The following CTCF variants were observed in gnomAD, a reference collection of about 807,000 sequenced individuals.
CTCF encodes CCCTC-binding factor.
In CTCF, 7 loss-of-function variants were observed where a neutral mutation model predicts 72.3. The ratio of observed to expected loss-of-function variants is 0.10; its 90% CI spans 0.06 to 0.18. The LOEUF is 0.18. CTCF is among the 10% of genes least tolerant of loss of function. The pLI is 1.00. For missense variants in CTCF, 516 were observed against 949.1 expected, an observed-to-expected ratio of 0.54 and a Z score of 6.00; for synonymous variants, 374 against 315.8, an observed-to-expected ratio of 1.18 and a Z score of -1.95.
At chr16:67,588,502 T>C (rs1442666034) in intron 2 of CTCF, among the ~76,000 whole-genome samples, 2 of 152,030 alleles carry the variant, frequency 1.3e-5, no homozygotes, top group Non-Finnish European at 2.9e-5. Flanking sequence ...CTTAGGTTAC[T>C]CTACACCAGC....
Position 67,628,753 on chromosome 16 carries a change from AGATT to A in CTCF, c.1701+207_1701+210del, listed in dbSNP as rs2142867403. 1.3e-5 allele frequency among the ~76,000 whole-genome samples: 2 copies of A among 152,310 alleles called. 1 individual carries two copies. Among genetic ancestry groups the A allele is most frequent in the South Asian group, 4.1e-4 (2 of 4,828 alleles). ...GATGGGGAACACAGTATCTTTGAAT[AGATT>A]GATTGCATAAAGAAATTTCCTGGCC... On this transcript the variant is annotated intron_variant, in intron 9 of 11. Coordinates refer to ENST00000264010, the MANE Select transcript of CTCF (RefSeq NM_006565.4).
intron 5 of CTCF, among the ~76,000 whole-genome samples, chr16:67,620,325 C>T (rs951796926): frequency 4.6e-5 from 7 of 152,026 alleles, no homozygotes; most frequent in South Asian, 4.1e-4. Flanking sequence ...CTCAGCCTTC[C>T]GAGTAGCTGG....
At chr16:67,584,188 G>T (rs913737417) in intron 2 of CTCF, among the ~76,000 whole-genome samples, 2 of 151,814 alleles carry the variant, frequency 1.3e-5, no homozygotes, top group African/African-American at 4.8e-5. Context: ...TGGGCATGGT[G>T]GTGGGCACCT....
chr16:67,636,461 T>C (rs1406151850), intron 10 of CTCF, among the ~76,000 whole-genome samples: 1 of 147,850 alleles, frequency 6.8e-6, no homozygotes, highest in Non-Finnish European at 1.5e-5. Context: ...GCCACGAGAA[T>C]TGCTTGAATC....
chr16:67,603,975 A>G (rs1308663253), intron 2 of CTCF, among the ~76,000 whole-genome samples: 1 of 150,818 alleles, frequency 6.6e-6, no homozygotes, highest in East Asian at 2.0e-4. Context: ...CTAAAAATAC[A>G]AAAAAATTAG....
intron 2 of CTCF, among the ~76,000 whole-genome samples, chr16:67,605,220 GC>G (rs1328025952): frequency 1.3e-5 from 2 of 151,940 alleles, no homozygotes; most frequent in Non-Finnish European, 2.9e-5. Flanking sequence ...TGATCCACCC[GC>G]CTTCGCCTCC....
chr16:67,585,400 C>G (rs981602045), intron 2 of CTCF, among the ~76,000 whole-genome samples: 1 of 152,182 alleles, frequency 6.6e-6, no homozygotes, highest in Admixed American at 6.6e-5. Flanking sequence ...AGTAATGTTA[C>G]CAACTTTAAA....
Position 67,569,336 on chromosome 16 carries a change from C to G in CTCF, c.-126-1812C>G, listed in dbSNP as rs548816140. Among the ~76,000 whole-genome samples the G allele has an allele frequency of 2.6e-5, 4 of 152,064 alleles. No individual in the cohort carries two copies. In the South Asian group the frequency reaches 8.3e-4, roughly 32 times the overall value. On this transcript the variant is annotated intron_variant, in intron 1 of 11. Transcript: ENST00000264010. ...GAGTAGCTGGGTTTACAGGCCTGCA[C>G]CACCATGCCCAGCTAATTTTTGTAT...
In CTCF at chr16:67,629,746, CTTTTTTTTTTTTTTTT is replaced by C. The variant is rs71145978; in HGVS notation, c.1837+244_1837+259del. ...TCGTGGCATTCCGCTCATTAATGCC[CTTTTTTTTTTTTTTTT>C]TTTTTTTTTTTTTTTTTTTTTTTTT... On this transcript the variant is annotated intron_variant, in intron 10 of 11. Transcript: ENST00000264010. Among the ~76,000 whole-genome samples, 62 of 63,352 alleles carry C rather than the reference CTTTTTTTTTTTTTTTT, an allele frequency of 9.8e-4. 4 individuals are homozygous for C. Among genetic ancestry groups the C allele is most frequent in the African/African-American group, 3.5e-3 (55 of 15,936 alleles). The allele number at this position is 63,352 out of a possible 152,430, so 41.6% of individuals were successfully genotyped here.
chr16:67,616,927 T>C, intron 5 of CTCF, 49 bp downstream of exon 5: 1 of 1,588,876 alleles, frequency 6.3e-7, no homozygotes, highest in Non-Finnish European at 8.6e-7. Context: ...GACCATGATT[T>C]ATTTCAATAC....
chr16:67,599,498 C>T (rs563913308), intron 2 of CTCF, among the ~76,000 whole-genome samples: 2 of 152,266 alleles, frequency 1.3e-5, no homozygotes, highest in East Asian at 3.9e-4. Context: ...CCCTTGCATC[C>T]TCACACTCAC....
chr16:67,606,763 T>G (rs929545065), intron 2 of CTCF, among the ~76,000 whole-genome samples: 2 of 149,374 alleles, frequency 1.3e-5, no homozygotes, highest in Non-Finnish European at 3.0e-5. Flanking sequence ...TGGGTTTTTT[T>G]TTTTTTTTTT....
intron 2 of CTCF, among the ~76,000 whole-genome samples, chr16:67,586,364 G>A (rs754111248): frequency 2.0e-4 from 30 of 152,166 alleles, no homozygotes; most frequent in Non-Finnish European, 3.5e-4. Context: ...GTGAAATCCT[G>A]TCTCTACTAA....
At chr16:67,566,979 G>A (rs898323729) in intron 1 of CTCF, among the ~76,000 whole-genome samples, 5 of 152,018 alleles carry the variant, frequency 3.3e-5, no homozygotes, top group Non-Finnish European at 7.4e-5. Context: ...TGGCTCAAAT[G>A]ATCCTGCCAC....
At chr16:67,572,981 G>A (rs1457218673) in intron 2 of CTCF, among the ~76,000 whole-genome samples, 3 of 130,794 alleles carry the variant, frequency 2.3e-5, no homozygotes, top group South Asian at 2.5e-4. Context: ...GACTGGGCGC[G>A]GTGGCTCACG....
intron 10 of CTCF, among the ~76,000 whole-genome samples, 164 bp downstream of exon 10, chr16:67,629,697 T>G (rs1371028247): frequency 6.6e-6 from 1 of 150,834 alleles, no homozygotes; most frequent in Non-Finnish European, 1.5e-5. Flanking sequence ...TTAGTGTTTT[T>G]CTGGGGCATA....
chr16:67,589,657 A>G (rs888576895), intron 2 of CTCF, among the ~76,000 whole-genome samples: 1 of 152,132 alleles, frequency 6.6e-6, no homozygotes, highest in African/African-American at 2.4e-5. Context: ...GCAGAAGACA[A>G]AGCTTATCTG....
chr16:67,571,507 ACAC>A (rs1567590377), intron 2 of CTCF, among the ~76,000 whole-genome samples: 3 of 152,220 alleles, frequency 2.0e-5, no homozygotes, highest in African/African-American at 7.2e-5. Context: ...TGAGAGAATA[ACAC>A]CACCAATCTC....
rs1339351201 is a variant in CTCF, at chr16:67,638,209, T to TC, written c.*340dup. 7.0e-6 allele frequency: 2 copies of TC among 286,020 alleles called. No homozygotes were observed. The highest frequency in any genetic ancestry group is 4.8e-5 in the Admixed American group (1 of 20,900). 17.7% of individuals were successfully genotyped at this position (286,020 alleles called of 1,614,324 possible). A position where few individuals can be genotyped will look rare whatever the true frequency, so the allele number is the denominator to read the frequency against. On this transcript the variant is annotated 3_prime_UTR_variant, in exon 12 of 12. Transcript: ENST00000264010. ...ACCACTCCAGAATGGCCACCAGGCTTCCCAGAGTTCTATGGTCTTCTTCCC... is the reference window on the plus strand; with the variant it reads ...ACCACTCCAGAATGGCCACCAGGCTTCCCCAGAGTTCTATGGTCTTCTTCCC...
Sources: allele counts gnomAD v4.1 joint callset (sites outside exome capture counted in the v4.1 genomes callset), GRCh38; gene constraint gnomAD v4.1.1; transcripts MANE v1.5; gene names NCBI Gene and HGNC (gene_info 2026-07-23, HGNC 2026-07-21).